Variants in NOL11 observed in about 807,000 individuals in gnomAD.
NOL11 encodes nucleolar protein 11.
Under a neutral mutation model 93.0 loss-of-function variants are expected in NOL11, and 42 were observed. The ratio of observed to expected loss-of-function variants is 0.45; its 90% CI spans 0.35 to 0.58. NOL11 has a LOEUF of 0.58. NOL11 is among the 20% of genes least tolerant of loss of function. The pLI is 0.00. For missense variants in NOL11, 775 were observed against 841.8 expected (o/e 0.92, Z 0.98); for synonymous variants, 296 against 293.7 (o/e 1.01, Z -0.08).
chr17:67,719,143 A>C (rs1009324802), intron 1 of NOL11: 1 of 152,154 alleles, frequency 6.6e-6, no homozygotes, highest in South Asian at 2.1e-4. Flanking sequence ...TCACGCCTGT[A>C]ATCCCAGAAC....
chr17:67,726,544 T>C lies in NOL11; in HGVS notation c.749T>C (p.Leu250Pro). ...EKNQSLVKSL[L>P]LKAVVSGNAR... Reference sequence around the variant, plus strand: ...AATCAGAGCTTAGTTAAATCACTGCTGCTCAAGGCTGTTGTATCTGGTAAC... The same window carrying C: ...AATCAGAGCTTAGTTAAATCACTGCCGCTCAAGGCTGTTGTATCTGGTAAC... Residue 250 changes from leucine to proline, a missense_variant, in exon 7 of 18, where the codon CTG becomes CCG. Leu to Pro is a moderately conservative substitution (Grantham distance 98). Coordinates refer to ENST00000253247, the MANE Select transcript of NOL11 (RefSeq NM_015462.5). The C allele has an allele frequency of 2.5e-6, 4 of 1,614,196 alleles. No individual in the cohort carries two copies. Among genetic ancestry groups the C allele is most frequent in the Non-Finnish European group, 3.4e-6 (4 of 1,180,030 alleles).
Position 67,737,832 on chromosome 17 carries a change from A to AT in NOL11, c.1404-8dup, listed in dbSNP as rs1460123951. The AT allele has an allele frequency of 6.2e-7, 1 of 1,603,388 alleles. No homozygotes were observed. The highest frequency in any genetic ancestry group is 8.5e-7 in the Non-Finnish European group (1 of 1,177,198). ...TTCTTAATATGTAATAGTGATTCAGATTTTTTTGTCTTAGTTTGTGCCCCG... is the reference window on the plus strand; with the variant it reads ...TTCTTAATATGTAATAGTGATTCAGATTTTTTTTGTCTTAGTTTGTGCCCCG... On this transcript the variant is annotated splice_polypyrimidine_tract_variant and intron_variant, in intron 12 of 17. Coordinates refer to ENST00000253247, the MANE Select transcript of NOL11 (RefSeq NM_015462.5).
intron 7 of NOL11, among the ~76,000 whole-genome samples, chr17:67,729,801 G>A (rs192114963): frequency 6.7e-6 from 1 of 149,712 alleles, no homozygotes. Context: ...GGATGGTCTC[G>A]ATCCCCTGAC....
intron 1 of NOL11, among the ~76,000 whole-genome samples, chr17:67,718,838 G>A (rs1433471786): frequency 6.6e-6 from 1 of 152,188 alleles, no homozygotes; most frequent in East Asian, 1.9e-4. Context: ...GTGCCGTTTT[G>A]ACTCTGCTAA....
chr17:67,722,751 G>A (rs11652382), intron 5 of NOL11, 114 bp downstream of exon 5: 280,450 of 1,353,734 alleles, frequency 0.21, 31,780 homozygotes, highest in South Asian at 0.23. Flanking sequence ...GTGGTGCCAC[G>A]ATGGTTCACT....
At chr17:67,726,193 C>G (rs1326270342) in intron 6 of NOL11, among the ~76,000 whole-genome samples, 1 of 152,126 alleles carries the variant, frequency 6.6e-6, no homozygotes, top group Non-Finnish European at 1.5e-5. Flanking sequence ...TTGGGAGTCC[C>G]CCTCAATATT....
At chr17:67,719,382 TC>T (rs1303087026) in intron 1 of NOL11, 1 of 212,400 alleles carries the variant, frequency 4.7e-6, no homozygotes, top group African/African-American at 2.4e-5. Flanking sequence ...TGCCTCAGCC[TC>T]CTGAGTAATT....
chr17:67,720,826 T>C (rs568368076), intron 3 of NOL11, among the ~76,000 whole-genome samples: 1 of 152,250 alleles, frequency 6.6e-6, no homozygotes, highest in Non-Finnish European at 1.5e-5. Context: ...AATTCAGATA[T>C]AATGCAGTTG....
At chr17:67,739,403 G>T in intron 15 of NOL11, 113 bp from the exon 16 acceptor site, 1 of 618,632 alleles carries the variant, frequency 1.6e-6, no homozygotes, top group East Asian at 3.0e-5. Context: ...CAGATGTCTG[G>T]CGTATTTGTT....
chr17:67,729,801 G>T (rs192114963), intron 7 of NOL11, among the ~76,000 whole-genome samples: 2 of 149,714 alleles, frequency 1.3e-5, no homozygotes, highest in African/African-American at 4.9e-5. Flanking sequence ...GGATGGTCTC[G>T]ATCCCCTGAC....
chr17:67,728,140 G>A (rs894206522), intron 7 of NOL11, among the ~76,000 whole-genome samples: 1 of 151,868 alleles, frequency 6.6e-6, no homozygotes, highest in African/African-American at 2.4e-5. Context: ...GGCACCTGCA[G>A]TCCCAGCTAC....
intron 17 of NOL11, 63 bp from the exon 18 acceptor site, chr17:67,743,680 C>A: frequency 8.3e-7 from 1 of 1,203,938 alleles, no homozygotes; most frequent in Non-Finnish European, 1.2e-6. Flanking sequence ...ATAACTTACT[C>A]ATGGAAGATT....
At chr17:67,724,751 A>G (rs1036184478) in intron 6 of NOL11, among the ~76,000 whole-genome samples, 2 of 152,320 alleles carry the variant, frequency 1.3e-5, no homozygotes, top group South Asian at 2.1e-4. Flanking sequence ...GCTTCTTTAT[A>G]TTTTATGTCT....
At position 67,738,912 on chromosome 17, in the gene NOL11, G is replaced by A. The variant is rs201976135; in HGVS notation, c.1764-20G>A. On this transcript the variant is annotated intron_variant, in intron 14 of 17. Coordinates refer to ENST00000253247, the MANE Select transcript of NOL11 (RefSeq NM_015462.5). ...GAATAGCTTCTATTTGTTGAAGTAC[G>A]ATTTTCCTTTAGTCCTAAGTAATGC... 32 of 1,522,578 alleles carry A rather than the reference G, an allele frequency of 2.1e-5. No individual in the cohort carries two copies. Among genetic ancestry groups the A allele is most frequent in the Admixed American group, 7.1e-5 (4 of 56,226 alleles). 94.3% of individuals were successfully genotyped at this position (1,522,578 alleles called of 1,614,324 possible).
At chr17:67,720,155 A>G (rs1270704446) in intron 3 of NOL11, among the ~76,000 whole-genome samples, 193 bp downstream of exon 3, 1 of 152,204 alleles carries the variant, frequency 6.6e-6, no homozygotes, top group Non-Finnish European at 1.5e-5. Flanking sequence ...GAGGATTTAT[A>G]TAATTGATGA....
intron 7 of NOL11, among the ~76,000 whole-genome samples, chr17:67,732,708 G>C (rs1488560922): frequency 6.6e-6 from 1 of 151,166 alleles, no homozygotes; most frequent in African/African-American, 2.4e-5. Flanking sequence ...TGAGCAGCTG[G>C]GACTACAGGT....
At position 67,719,799 on chromosome 17, in the gene NOL11, A is replaced by G; in HGVS notation, c.255+12A>G. 1 of 1,541,720 alleles carries G rather than the reference A, an allele frequency of 6.5e-7. No homozygotes were observed. The highest frequency in any genetic ancestry group is 1.2e-5 in the South Asian group (1 of 85,536). On this transcript the variant is annotated intron_variant, in intron 2 of 17. Transcript: ENST00000253247. ...TACACGATAATAAGGTGAGTTTTAA[A>G]ACTTTTGTATAATATATACAATATA...
intron 9 of NOL11, among the ~76,000 whole-genome samples, chr17:67,736,263 T>G (rs1184165918): frequency 6.8e-6 from 1 of 146,314 alleles, no homozygotes; most frequent in Non-Finnish European, 1.5e-5. Flanking sequence ...CTGGGCAACA[T>G]AGTAAGACCC....
intron 13 of NOL11, 64 bp from the exon 14 acceptor site, chr17:67,738,058 A>G: frequency 6.4e-7 from 1 of 1,552,352 alleles, no homozygotes; most frequent in East Asian, 2.3e-5. Context: ...ATGCTTAGGA[A>G]ATGAAATTTT....
Sources: gnomAD v4.1 joint callset for allele counts (sites outside exome capture counted in the v4.1 genomes callset) on GRCh38, gnomAD v4.1.1 for gene constraint, MANE v1.5 for transcripts, NCBI Gene and HGNC (gene_info 2026-07-23, HGNC 2026-07-21) for gene names.